NFYC: variants seen among roughly 807,000 people sequenced by gnomAD.
NFYC encodes nuclear transcription factor Y subunit gamma.
In NFYC, 25 loss-of-function variants were observed where a neutral mutation model predicts 53.1. The ratio of observed to expected loss-of-function variants is 0.47; its 90% CI spans 0.34 to 0.66. The LOEUF (loss-of-function observed/expected upper bound fraction) is 0.66, where lower values mean the gene tolerates loss of function less well. Ranked by LOEUF, NFYC falls within the 30% of genes least tolerant of loss-of-function variation. The probability of loss-of-function intolerance (pLI) is 0.01; values close to 1 mark genes in which losing one functional copy is unlikely to be tolerated. For synonymous variants in NFYC, 145 were observed against 152.6 expected, an observed-to-expected ratio of 0.95 and a Z score of 0.37; for missense variants, 260 against 422.7, an observed-to-expected ratio of 0.62 and a Z score of 3.38.
intron 5 of NFYC, among the ~76,000 whole-genome samples, chr1:40,753,934 C>G (rs1445827485): frequency 6.6e-6 from 1 of 152,106 alleles, no homozygotes; most frequent in Non-Finnish European, 1.5e-5. Flanking sequence ...AAAGGTCACA[C>G]TAGTTGTTTT....
intron 1 of NFYC, among the ~76,000 whole-genome samples, chr1:40,736,071 T>C (rs1260310326): frequency 6.6e-6 from 1 of 152,118 alleles, no homozygotes; most frequent in Non-Finnish European, 1.5e-5. Flanking sequence ...TCCCTTTAAC[T>C]CCCTTCAGAA....
At chr1:40,692,771 C>T (rs1393578357) in intron 1 of NFYC, among the ~76,000 whole-genome samples, 9 of 151,920 alleles carry the variant, frequency 5.9e-5, no homozygotes. Flanking sequence ...TCTGTCCGAG[C>T]CTAGGAAGCA....
At chr1:40,760,523 A>G (rs1646484832) in intron 6 of NFYC, among the ~76,000 whole-genome samples, 2 of 152,140 alleles carry the variant, frequency 1.3e-5, no homozygotes, top group Non-Finnish European at 2.9e-5. Context: ...GTTCAAGACC[A>G]GCCTGGCCAA....
chr1:40,728,228 A>G (rs1279374691), intron 1 of NFYC, among the ~76,000 whole-genome samples: 3 of 152,250 alleles, frequency 2.0e-5, no homozygotes, highest in Middle Eastern at 3.4e-3. Flanking sequence ...ATTTTCTTCA[A>G]TAATAAGACT....
In NFYC at chr1:40,770,359, G is replaced by A. The variant is rs1348232197; in HGVS notation, c.889-350G>A. 6 of 1,520,088 alleles carry A rather than the reference G, an allele frequency of 3.9e-6. No individual in the cohort carries two copies. The African/African-American group carries it at 8.3e-5, about 21-fold the overall frequency. 94.2% of individuals were successfully genotyped at this position (1,520,088 alleles called of 1,614,324 possible). ...TTGGGGAAATGCTGACTTCCAAGCTGCTGGTACAGTGGTTCGAATTGCTTG... is the reference window on the plus strand; with the variant it reads ...TTGGGGAAATGCTGACTTCCAAGCTACTGGTACAGTGGTTCGAATTGCTTG... On this transcript the variant is annotated intron_variant, in intron 9 of 9. Coordinates refer to ENST00000447388, the MANE Select transcript of NFYC (RefSeq NM_014223.5). This position sits in a 1 kb window ranked among gnomAD's most constrained non-coding sequence, Gnocchi z 5.3.
chr1:40,714,654 AC>A (rs1644056846), intron 1 of NFYC, among the ~76,000 whole-genome samples: 1 of 152,116 alleles, frequency 6.6e-6, no homozygotes, highest in African/African-American at 2.4e-5. Flanking sequence ...TTGCTCTGTC[AC>A]CCAGGCTAGA....
intron 6 of NFYC, among the ~76,000 whole-genome samples, chr1:40,759,860 AAGAT>A (rs1646450336): frequency 6.6e-6 from 1 of 152,152 alleles, no homozygotes; most frequent in Non-Finnish European, 1.5e-5. Flanking sequence ...CAAGTTTGGA[AAGAT>A]AGATAGTAAA....
intron 1 of NFYC, among the ~76,000 whole-genome samples, chr1:40,698,830 A>T (rs1474115600): frequency 1.3e-5 from 2 of 152,174 alleles, no homozygotes; most frequent in East Asian, 1.9e-4. Flanking sequence ...TATGAACCAT[A>T]AATAGTGATC....
intron 1 of NFYC, among the ~76,000 whole-genome samples, chr1:40,715,591 CT>C (rs1644105207): frequency 1.3e-5 from 2 of 152,060 alleles, no homozygotes; most frequent in South Asian, 4.1e-4. Flanking sequence ...GGGCCCACCT[CT>C]TTATAACGTG....
intron 3 of NFYC, 150 bp downstream of exon 3, chr1:40,747,755 T>G (rs568128804): frequency 1.6e-6 from 1 of 629,514 alleles, no homozygotes; most frequent in East Asian, 2.8e-5. Flanking sequence ...TGCAAAATTG[T>G]TAAGTGAGCC....
At chr1:40,730,580 T>C in intron 1 of NFYC, 2 of 985,354 alleles carry the variant, frequency 2.0e-6, no homozygotes, top group Non-Finnish European at 2.4e-6. Context: ...ATGATCAAAA[T>C]GCAAGTCACA....
Position 40,749,639 on chromosome 1 carries a change from C to T in NFYC, c.244C>T (p.Leu82Phe), listed in dbSNP as rs757891108. ...AAQIFITELT[L>F]RAWIHTEDNK... ...CCAGATTTTTATCACAGAGTTGACT[C>T]TTCGAGCCTGGATTCACACAGAAGA... The change falls in exon 4 of 10, where the codon CTT becomes TTT. Residue 82 changes from leucine to phenylalanine, a missense_variant. Leu to Phe is a conservative substitution (Grantham distance 22). Transcript: ENST00000447388. 6.2e-7 allele frequency: 1 copy of T among 1,614,180 alleles called. No individual in the cohort carries two copies. The highest frequency in any genetic ancestry group is 1.1e-5 in the South Asian group (1 of 91,086).
chr1:40,759,535 C>CA (rs912688363), intron 6 of NFYC, among the ~76,000 whole-genome samples: 390 of 130,936 alleles, frequency 3.0e-3, no homozygotes, highest in African/African-American at 7.8e-3. Flanking sequence ...GATCCTGTCT[C>CA]AAAAAAAAAA....
intron 6 of NFYC, among the ~76,000 whole-genome samples, chr1:40,760,327 G>A (rs908252551): frequency 6.6e-6 from 1 of 152,206 alleles, no homozygotes; most frequent in African/African-American, 2.4e-5. Context: ...ATCACTTTGG[G>A]AGGCCAAAGC....
chr1:40,720,838 C>A (rs1435245622), intron 1 of NFYC, among the ~76,000 whole-genome samples: 1 of 152,174 alleles, frequency 6.6e-6, no homozygotes, highest in Non-Finnish European at 1.5e-5. Context: ...CACTGCACTC[C>A]AGCGTGGGCA....
At chr1:40,705,359 A>G (rs965617417) in intron 1 of NFYC, among the ~76,000 whole-genome samples, 2 of 135,612 alleles carry the variant, frequency 1.5e-5, no homozygotes, top group Non-Finnish European at 3.0e-5. Flanking sequence ...TTCTGGGGCT[A>G]AGAGAAGCTC....
In NFYC at chr1:40,700,186, C is replaced by A. The variant is rs1301861780; in HGVS notation, c.-9+8319C>A. ...AGACTCTTAAGGATGAATGTGATTT[C>A]AAAGGTCATCTAATCCAATGCCCAA... On this transcript the variant is annotated intron_variant, in intron 1 of 9. Coordinates refer to ENST00000447388, the MANE Select transcript of NFYC (RefSeq NM_014223.5). 2.6e-5 allele frequency among the ~76,000 whole-genome samples: 4 copies of A among 152,154 alleles called. No individual in the cohort carries two copies. The East Asian group carries it at 7.7e-4, about 29-fold the overall frequency.
rs140018494 is a variant in NFYC, at chr1:40,715,378, G to A, written c.-8-23458G>A. Among the ~76,000 whole-genome samples, 75 of 150,642 alleles carry A rather than the reference G, an allele frequency of 5.0e-4. No individual in the cohort carries two copies. In the East Asian group the frequency reaches 8.0e-3, roughly 16 times the overall value. ...AGCCTGGGCAACAGAGTGAGATTCCGTCTCAAGAAAAAAAAACAAAAAACA... is the reference window on the plus strand; with the variant it reads ...AGCCTGGGCAACAGAGTGAGATTCCATCTCAAGAAAAAAAAACAAAAAACA... On this transcript the variant is annotated intron_variant, in intron 1 of 9. Coordinates refer to ENST00000447388, the MANE Select transcript of NFYC (RefSeq NM_014223.5).
At chr1:40,750,023 T>C (rs1005774405) in intron 4 of NFYC, among the ~76,000 whole-genome samples, 5 of 152,216 alleles carry the variant, frequency 3.3e-5, no homozygotes, top group African/African-American at 7.2e-5. Flanking sequence ...TATTTACCTG[T>C]TTCCAAACGT....
Sources: gnomAD v4.1 joint callset for allele counts (sites outside exome capture counted in the v4.1 genomes callset) on GRCh38, gnomAD v4.1.1 for gene constraint, Gnocchi (gnomAD v3.1) non-coding constraint, MANE v1.5 for transcripts, NCBI Gene and HGNC (gene_info 2026-07-23, HGNC 2026-07-21) for gene names.